Variants in SLC34A3 observed in about 807,000 individuals in gnomAD.
The protein encoded by SLC34A3 is solute carrier family 34 member 3.
SLC34A3 carries 60 observed loss-of-function variants against 43.9 expected under a neutral mutation model. The ratio of observed to expected loss-of-function variants is 1.37; its 90% CI spans 1.11 to 1.70. The LOEUF (loss-of-function observed/expected upper bound fraction) is 1.70, where lower values mean the gene tolerates loss of function less well. Ranked by LOEUF, SLC34A3 falls within the 40% of genes most tolerant of loss-of-function variation. The pLI is 0.00. For synonymous variants in SLC34A3, 451 were observed against 386.2 expected, an observed-to-expected ratio of 1.17 and a Z score of -1.97; for missense variants, 969 against 823.8, an observed-to-expected ratio of 1.18 and a Z score of -2.16.
chr9:137,231,779 G>A lies in SLC34A3; in HGVS notation c.77G>A (p.Arg26Lys), dbSNP rs1206280444. ...GTTGACCTAGTGGAAAAGACTCTGAGGAATGAAGGTACCAGTGGCCCCTGT... is the reference window on the plus strand; with the variant it reads ...GTTGACCTAGTGGAAAAGACTCTGAAGAATGAAGGTACCAGTGGCCCCTGT... ...DAVDLVEKTL[R>K]NEGTSSSAPV... Residue 26 changes from arginine to lysine, a missense_variant, in exon 2 of 13, where the codon AGG (arginine) becomes AAG (lysine). Transcript: ENST00000673835. 8 of 1,613,040 alleles carry A rather than the reference G, an allele frequency of 5.0e-6. No individual in the cohort carries two copies. Among genetic ancestry groups the A allele is most frequent in the Non-Finnish European group, 5.9e-6 (7 of 1,179,914 alleles).
chr9:137,233,635 G>A lies in SLC34A3; in HGVS notation c.759G>A (p.Leu253=), dbSNP rs1420362222. 1.2e-6 allele frequency: 2 copies of A among 1,612,494 alleles called. No individual in the cohort carries two copies. The highest frequency in any genetic ancestry group is 1.7e-6 in the Non-Finnish European group (2 of 1,179,818). The change falls in exon 8 of 13, where the codon TTG becomes TTA. Residue 253 remains leucine (L), a splice_region_variant and synonymous_variant. Coordinates refer to ENST00000673835, the MANE Select transcript of SLC34A3 (RefSeq NM_001177316.2). ...GTCACGACCCCTCTGGCCCCCAGTTGGACTCCGACATGATCATGAGCAGTG... is the reference window on the plus strand; with the variant it reads ...GTCACGACCCCTCTGGCCCCCAGTTAGACTCCGACATGATCATGAGCAGTG... The part of the protein sequence containing the change: ...TKPLTHLIVQ[L]DSDMIMSSAT...
chr9:137,233,598 G>T, intron 7 of SLC34A3, 35 bp from the exon 8 acceptor site: 3 of 1,601,256 alleles, frequency 1.9e-6, no homozygotes, highest in Non-Finnish European at 8.5e-7. Context: ...CTGAGAGAGG[G>T]TGCAGCACAC....
chr9:137,229,780 C>T (rs891779389), upstream of SLC34A3: 5 of 152,554 alleles, frequency 3.3e-5, no homozygotes, highest in African/African-American at 1.2e-4. Context: ...CAGTTGGTCT[C>T]ATCCTTCGCT....
At chr9:137,235,652 A>G (rs1836546965) in intron 12 of SLC34A3, among the ~76,000 whole-genome samples, 1 of 152,176 alleles carries the variant, frequency 6.6e-6, no homozygotes, top group Non-Finnish European at 1.5e-5. Flanking sequence ...GGCAGGAGGC[A>G]CAGGCAGAGC....
rs1314557687 is a variant in SLC34A3 at position 137,234,768 on chromosome 9, G to A, written c.1335+37G>A. ...CCTGCCCCGCTGCCAGAACTGGCCA[G>A]CTTCCTCTCAGCCCCACAGACAGGA... On this transcript the variant is annotated intron_variant, in intron 12 of 12. Transcript: ENST00000673835. This position sits in a 1 kb window ranked among gnomAD's most constrained non-coding sequence, Gnocchi z 6.9. 6.2e-7 allele frequency: 1 copy of A among 1,601,260 alleles called. No individual in the cohort carries two copies. Among genetic ancestry groups the A allele is most frequent in the Non-Finnish European group, 8.5e-7 (1 of 1,179,674 alleles).
At position 137,234,007 on chromosome 9, in the gene SLC34A3, A is replaced by T. The variant is rs1162381660; in HGVS notation, c.925+66A>T. The T allele has an allele frequency of 1.5e-6, 2 of 1,314,258 alleles. No homozygotes were observed. The highest frequency in any genetic ancestry group is 3.4e-5 in the African/African-American group (2 of 58,192). 81.4% of individuals were successfully genotyped at this position (1,314,258 alleles called of 1,614,324 possible). A position where few individuals can be genotyped will look rare whatever the true frequency, so the allele number is the denominator to read the frequency against. ...CTCCCCCTCACCGGCCCCTACATGG[A>T]GAGGAACAGCACAGCCCCGGCGGAC... is the stretch of plus-strand genomic sequence containing the variant. On this transcript the variant is annotated intron_variant, in intron 9 of 12. Transcript: ENST00000673835. This position sits in a 1 kb window ranked among gnomAD's most constrained non-coding sequence, Gnocchi z 6.9.
Position 137,233,722 on chromosome 9 carries a change from G to A in SLC34A3, c.846G>A (p.Pro282=), listed in dbSNP as rs121918236. The A allele has an allele frequency of 4.2e-5, 67 of 1,612,238 alleles. No individual in the cohort carries two copies. Among genetic ancestry groups the A allele is most frequent in the Non-Finnish European group, 4.5e-5 (53 of 1,179,758 alleles). ...ACTGGTGCGGCACCACGGGGCAGCC[G>A]GTGAGGCACCCAACCCTAGGCCCTC... The part of the protein sequence containing the change: ...IKHWCGTTGQ[P]TQENSSCGAF... Residue 282 remains proline (P), a splice_region_variant and synonymous_variant, in exon 8 of 13, where the codon CCG becomes CCA. Coordinates refer to ENST00000673835, the MANE Select transcript of SLC34A3 (RefSeq NM_001177316.2).
upstream of SLC34A3, among the ~76,000 whole-genome samples, chr9:137,230,547 C>T (rs529998392): frequency 2.9e-4 from 44 of 152,292 alleles, no homozygotes; most frequent in Non-Finnish European, 5.7e-4. Context: ...TCTCGACTCC[C>T]GGGCAGCCCC....
At chr9:137,233,779 T>TTGCCG in intron 8 of SLC34A3, 57 bp downstream of exon 8, 1 of 1,445,826 alleles carries the variant, frequency 6.9e-7, no homozygotes, top group Non-Finnish European at 9.6e-7. Flanking sequence ...TGCTGAGTCA[T>TTGCCG]CCCGCCCCAC....
chr9:137,234,451 C>G lies in SLC34A3; in HGVS notation c.1129C>G (p.Leu377Val), dbSNP rs1438313899. ...PFPLGWLGGY[L>V]AVLAGAGLTF... ...CCCGCTGGGCTGGCTCGGCGGCTAC[C>G]TGGCCGTCCTCGCGGGCGCCGGCCT... The change falls in exon 11 of 13, where the codon CTG becomes GTG. Residue 377 changes from leucine to valine, a missense_variant. Coordinates refer to ENST00000673835, the MANE Select transcript of SLC34A3 (RefSeq NM_001177316.2). The surrounding 1 kb of genome is among the most constrained non-coding windows in gnomAD (Gnocchi z 6.9). 2 of 1,599,382 alleles carry G rather than the reference C, an allele frequency of 1.3e-6. No homozygotes were observed. The highest frequency in any genetic ancestry group is 1.7e-6 in the Non-Finnish European group (2 of 1,179,312).
Position 137,236,022 on chromosome 9 carries a change from T to C in SLC34A3, c.1406T>C (p.Leu469Pro). ...TGGTACCTGGTGCCTGCACTGCGGC[T>C]GCCCATCCCGCTGGCCAGGCACTTC... The part of the protein sequence containing the change: ...LLWYLVPALR[L>P]PIPLARHFGV... Residue 469 changes from leucine (L) to proline (P), a missense_variant, in exon 13 of 13, where the codon CTG (leucine) becomes CCG (proline). Coordinates refer to ENST00000673835, the MANE Select transcript of SLC34A3 (RefSeq NM_001177316.2). 6.2e-7 allele frequency: 1 copy of C among 1,612,630 alleles called. No individual in the cohort carries two copies.
chr9:137,232,703 A>C lies in SLC34A3; in HGVS notation c.304A>C (p.Ser102Arg). The change falls in exon 4 of 13, where the codon AGC becomes CGC. Residue 102 changes from serine (S) to arginine (R), a missense_variant and splice_region_variant. Ser to Arg is a moderately radical substitution (Grantham distance 110). Coordinates refer to ENST00000673835, the MANE Select transcript of SLC34A3 (RefSeq NM_001177316.2). ...CAGCTCCGCCTTCCAGCTGCTGGGC[A>C]GTGAGTGACGGGACGGGTGCCCAGG... ...VLSSAFQLLGSKVAGDIFKDN... is the reference protein window; with the variant it reads ...VLSSAFQLLGRKVAGDIFKDN... The C allele has an allele frequency of 6.2e-7, 1 of 1,612,928 alleles. No individual in the cohort carries two copies. Among genetic ancestry groups the C allele is most frequent in the East Asian group, 2.2e-5 (1 of 44,882 alleles).
At position 137,232,099 on chromosome 9, in the gene SLC34A3, A is replaced by G; in HGVS notation, c.113A>G (p.Glu38Gly). ...EGTSSSAPVL[E>G]EGDTDPWTLP... ...ACCTCCAGTTCTGCTCCAGTCTTGG[A>G]GGAAGGGGACACAGACCCCTGGACC... Residue 38 changes from glutamate to glycine, a missense_variant, in exon 3 of 13, where the codon GAG becomes GGG. Glu to Gly is a moderately conservative substitution (Grantham distance 98, BLOSUM62 -2). Transcript: ENST00000673835. The G allele has an allele frequency of 2.5e-6, 4 of 1,613,210 alleles. No individual in the cohort carries two copies. The highest frequency in any genetic ancestry group is 3.4e-6 in the Non-Finnish European group (4 of 1,180,006).
In SLC34A3 at chr9:137,232,792, G is replaced by A. The variant is rs749268991; in HGVS notation, c.313G>A (p.Ala105Thr). The A allele has an allele frequency of 6.2e-7, 1 of 1,613,068 alleles. No individual in the cohort carries two copies. The highest frequency in any genetic ancestry group is 8.5e-7 in the Non-Finnish European group (1 of 1,180,006). ...CTCTCTTGCCGGTGTAGGCAAAGTG[G>A]CCGGAGACATCTTCAAGGACAACGT... ...SAFQLLGSKV[A>T]GDIFKDNVVL... The change falls in exon 5 of 13, where the codon GCC becomes ACC. Residue 105 changes from alanine to threonine, a missense_variant. Transcript: ENST00000673835.
intron 12 of SLC34A3, among the ~76,000 whole-genome samples, chr9:137,235,022 A>T (rs1408581506): frequency 6.6e-6 from 1 of 152,062 alleles, no homozygotes; most frequent in African/African-American, 2.4e-5. Flanking sequence ...GGGGGCTCTA[A>T]GCCCCTCTAT....
rs752886790 is a variant in SLC34A3 at position 137,233,278 on chromosome 9, G to C, written c.630G>C (p.Glu210Asp). Residue 210 changes from glutamate to aspartate, a missense_variant, in exon 7 of 13, where the codon GAG becomes GAC. Physicochemically the swap from Glu to Asp is conservative, Grantham distance 45. Transcript: ENST00000673835. ...CAGTGCTGGTCCTGCTGCCACTGGA[G>C]AGCGCCACGGCCCTGCTGGAGAGGC... ...WLTVLVLLPL[E>D]SATALLERLS... The C allele has an allele frequency of 6.3e-7, 1 of 1,585,908 alleles. No individual in the cohort carries two copies. The highest frequency in any genetic ancestry group is 8.6e-7 in the Non-Finnish European group (1 of 1,166,336).
rs201964796 is a variant in SLC34A3, at chr9:137,233,657, A to G, written c.781A>G (p.Ser261Gly). The G allele has an allele frequency of 2.1e-4, 334 of 1,612,790 alleles. No individual in the cohort carries two copies. Among genetic ancestry groups the G allele is most frequent in the Non-Finnish European group, 1.7e-4 (203 of 1,179,932 alleles). The stretch of plus-strand genomic sequence containing the variant: ...GTTGGACTCCGACATGATCATGAGC[A>G]GTGCCACAGGCAACGCCACTAACAG... The part of the protein sequence containing the change: ...VQLDSDMIMS[S>G]ATGNATNSSL... Residue 261 changes from serine (S) to glycine (G), a missense_variant, in exon 8 of 13, where the codon AGT becomes GGT. Coordinates refer to ENST00000673835, the MANE Select transcript of SLC34A3 (RefSeq NM_001177316.2).
At position 137,231,660 on chromosome 9, in the gene SLC34A3, G is replaced by A. The variant is rs897840918; in HGVS notation, c.-39-4G>A. ...GTCTCTGACACGCGCGTCCCCCCCAGCAGATCTAGACCTGGGCCTGGGTCT... is the reference window on the plus strand; with the variant it reads ...GTCTCTGACACGCGCGTCCCCCCCAACAGATCTAGACCTGGGCCTGGGTCT... On this transcript the variant is annotated splice_polypyrimidine_tract_variant and splice_region_variant and intron_variant, in intron 1 of 12. Coordinates refer to ENST00000673835, the MANE Select transcript of SLC34A3 (RefSeq NM_001177316.2). 1 of 1,524,722 alleles carries A rather than the reference G, an allele frequency of 6.6e-7. No individual in the cohort carries two copies. Among genetic ancestry groups the A allele is most frequent in the Admixed American group, 1.7e-5 (1 of 59,886 alleles). 94.4% of individuals were successfully genotyped at this position (1,524,722 alleles called of 1,614,324 possible).
Position 137,231,766 on chromosome 9 carries a change from G to GA in SLC34A3, c.68dup (p.Thr24AspfsTer5). ...CACTCTGGACGCGGTTGACCTAGTG[G>GA]AAAAGACTCTGAGGAATGAAGGTAC... is the stretch of plus-strand genomic sequence containing the variant. On this transcript the variant is annotated frameshift_variant, in exon 2 of 13. Coordinates refer to ENST00000673835, the MANE Select transcript of SLC34A3 (RefSeq NM_001177316.2). LOFTEE classifies it high-confidence loss of function. 1.2e-6 allele frequency: 2 copies of GA among 1,613,220 alleles called. No individual in the cohort carries two copies. Among genetic ancestry groups the GA allele is most frequent in the Non-Finnish European group, 1.7e-6 (2 of 1,179,972 alleles).
Sources: gnomAD v4.1 joint callset for allele counts (sites outside exome capture counted in the v4.1 genomes callset) on GRCh38, gnomAD v4.1.1 for gene constraint, Gnocchi (gnomAD v3.1) non-coding constraint, MANE v1.5 for transcripts, NCBI Gene and HGNC (gene_info 2026-07-23, HGNC 2026-07-21) for gene names.